The following SCN4B variants were observed in gnomAD, a reference collection of about 807,000 sequenced individuals.
SCN4B encodes sodium voltage-gated channel beta subunit 4.
SCN4B carries 20 observed loss-of-function variants against 19.6 expected under a neutral mutation model. That is an observed-to-expected ratio of 1.02 (90% CI 0.72 to 1.48). The LOEUF is 1.48. SCN4B is among the 40% of genes most tolerant of loss of function. The pLI is 0.00. For synonymous variants in SCN4B, 127 were observed against 122.8 expected (o/e 1.03, Z -0.22); for missense variants, 271 against 287.5 (o/e 0.94, Z 0.42).
At position 118,136,037 on chromosome 11, in the gene SCN4B, T is replaced by TGC. The variant is rs886047726; in HGVS notation, c.*989_*990insGC. 2.9e-4 allele frequency: 105 copies of TGC among 363,640 alleles called. No individual in the cohort carries two copies. Among genetic ancestry groups the TGC allele is most frequent in the African/African-American group, 2.5e-3 (96 of 38,408 alleles). 22.5% of individuals were successfully genotyped at this position (363,640 alleles called of 1,614,324 possible). On this transcript the variant is annotated 3_prime_UTR_variant, in exon 5 of 5. Coordinates refer to ENST00000324727, the MANE Select transcript of SCN4B (RefSeq NM_174934.4). ...GGGCAGGGCGTGATGGAGGGCACGG[T>TGC]GGGGGGGGGGGAGCGAGCCAATGGG...
At position 118,134,233 on chromosome 11, in the gene SCN4B, G is replaced by A. The variant is rs1014651431; in HGVS notation, c.*2794C>T. The A allele has an allele frequency of 8.8e-6, 4 of 454,116 alleles. No individual in the cohort carries two copies. The highest frequency in any genetic ancestry group is 1.8e-5 in the Non-Finnish European group (4 of 226,810). 28.1% of individuals were successfully genotyped at this position (454,116 alleles called of 1,614,324 possible). On this transcript the variant is annotated 3_prime_UTR_variant, in exon 5 of 5. Transcript: ENST00000324727. ...ACCTGGAATGCTGATTTCATATTTT[G>A]TAGTTGATGAGGAGCTCAGAACTTT...
Position 118,135,974 on chromosome 11 carries a change from AG to A in SCN4B, c.*1052del, listed in dbSNP as rs1460512774. 1 of 452,610 alleles carries A rather than the reference AG, an allele frequency of 2.2e-6. No homozygotes were observed. Among genetic ancestry groups the A allele is most frequent in the Non-Finnish European group, 4.4e-6 (1 of 226,508 alleles). The allele number at this position is 452,610 out of a possible 1,614,324, so 28.0% of individuals were successfully genotyped here. On this transcript the variant is annotated 3_prime_UTR_variant, in exon 5 of 5. Transcript: ENST00000324727. ...GGAAGAGAGTCCCTGAGGCGAAGGC[AG>A]GCCCTTGACCCAGGGCTGGGAAATG...
Position 118,152,724 on chromosome 11 carries a change from C to A in SCN4B, c.-51G>T, listed in dbSNP as rs1305366076. 6.9e-7 allele frequency: 1 copy of A among 1,446,470 alleles called. No individual in the cohort carries two copies. The highest frequency in any genetic ancestry group is 9.5e-7 in the Non-Finnish European group (1 of 1,055,504). 89.6% of individuals were successfully genotyped at this position (1,446,470 alleles called of 1,614,324 possible). Reference sequence around the variant, plus strand: ...GGGGTCGCGGGGATGGGATACTGGGCACAGCCGCGCTCTCCGCCCGAGGTC... The same window carrying A: ...GGGGTCGCGGGGATGGGATACTGGGAACAGCCGCGCTCTCCGCCCGAGGTC... On this transcript the variant is annotated 5_prime_UTR_variant, in exon 1 of 5. Coordinates refer to ENST00000324727, the MANE Select transcript of SCN4B (RefSeq NM_174934.4).
chr11:118,138,651 A>G (rs932393013), intron 4 of SCN4B, among the ~76,000 whole-genome samples: 1 of 152,204 alleles, frequency 6.6e-6, no homozygotes, highest in Non-Finnish European at 1.5e-5. Context: ...CTCCTAGGGC[A>G]TGTGACATTA....
Position 118,134,051 on chromosome 11 carries a change from C to G in SCN4B, c.*2976G>C. On this transcript the variant is annotated 3_prime_UTR_variant, in exon 5 of 5. Coordinates refer to ENST00000324727, the MANE Select transcript of SCN4B (RefSeq NM_174934.4). The stretch of plus-strand genomic sequence containing the variant: ...ACAAGCACACCCCACCTCCTGCCAT[C>G]TCACAAGCATGCTCTCAAGCCCTCG... The G allele has an allele frequency of 2.2e-6, 1 of 454,636 alleles. No homozygotes were observed. The highest frequency in any genetic ancestry group is 1.6e-5 in the South Asian group (1 of 64,476). 28.2% of individuals were successfully genotyped at this position (454,636 alleles called of 1,614,324 possible). A position where few individuals can be genotyped will look rare whatever the true frequency, so the allele number is the denominator to read the frequency against.
At chr11:118,142,125 T>C (rs1948106731) in intron 3 of SCN4B, among the ~76,000 whole-genome samples, 1 of 152,254 alleles carries the variant, frequency 6.6e-6, no homozygotes, top group African/African-American at 2.4e-5. Context: ...AATAGCTTCC[T>C]AACTGATCTC....
chr11:118,150,509 C>T (rs1324634293), intron 1 of SCN4B, among the ~76,000 whole-genome samples: 1 of 152,168 alleles, frequency 6.6e-6, no homozygotes, highest in African/African-American at 2.4e-5. Flanking sequence ...AGCACAATCA[C>T]TATTTACCTT....
chr11:118,135,262 C>T lies in SCN4B; in HGVS notation c.*1765G>A. On this transcript the variant is annotated 3_prime_UTR_variant, in exon 5 of 5. Transcript: ENST00000324727. ...AGCCCAGCAGGTTGGCTAAGGGACA[C>T]TGGCCACAGCCACGGGCACCCTGCA... 1 of 453,930 alleles carries T rather than the reference C, an allele frequency of 2.2e-6. No homozygotes were observed. Among genetic ancestry groups the T allele is most frequent in the East Asian group, 7.0e-5 (1 of 14,382 alleles). The allele number at this position is 453,930 out of a possible 1,614,324, so 28.1% of individuals were successfully genotyped here.
intron 3 of SCN4B, among the ~76,000 whole-genome samples, chr11:118,143,101 C>T (rs539047378): frequency 6.6e-6 from 1 of 152,306 alleles, no homozygotes; most frequent in South Asian, 2.1e-4. Context: ...CTGCACTTCC[C>T]TAGTCTTCCA....
chr11:118,137,162 A>G (rs1294597601), intron 4 of SCN4B, 42 bp from the exon 5 acceptor site: 1 of 1,429,630 alleles, frequency 7.0e-7, no homozygotes, highest in Non-Finnish European at 9.9e-7. Flanking sequence ...GGAGAGGAGC[A>G]AGAGTAGGGG....
Position 118,136,315 on chromosome 11 carries a change from A to T in SCN4B, c.*712T>A, listed in dbSNP as rs1565452749. The T allele has an allele frequency of 8.8e-6, 4 of 453,710 alleles. No homozygotes were observed. Among genetic ancestry groups the T allele is most frequent in the African/African-American group, 8.0e-5 (4 of 49,886 alleles). 28.1% of individuals were successfully genotyped at this position (453,710 alleles called of 1,614,324 possible). On this transcript the variant is annotated 3_prime_UTR_variant, in exon 5 of 5. Coordinates refer to ENST00000324727, the MANE Select transcript of SCN4B (RefSeq NM_174934.4). ...GGAAGGCTCGAGGGGCCCCTTCCTG[A>T]GCCCCTCAGTAACCCAGAGAGCAGA...
In SCN4B at chr11:118,141,467, AC is replaced by A. The variant is rs146941709; in HGVS notation, c.464-132del. ...GCATCCGGGGCACATCCACTCCCAG[AC>A]CCCCAGCCCTCCCCAGGCCTGCAGC... is the stretch of plus-strand genomic sequence containing the variant. On this transcript the variant is annotated intron_variant, in intron 3 of 4. Transcript: ENST00000324727. 1,786 of 1,056,232 alleles carry A rather than the reference AC, an allele frequency of 1.7e-3. 28 individuals carry two copies. The African/African-American group carries it at 0.025, about 15-fold the overall frequency. 65.4% of individuals were successfully genotyped at this position (1,056,232 alleles called of 1,614,324 possible).
At position 118,139,298 on chromosome 11, in the gene SCN4B, C is replaced by T. The variant is rs933930494; in HGVS notation, c.593+1909G>A. On this transcript the variant is annotated intron_variant, in intron 4 of 4. Coordinates refer to ENST00000324727, the MANE Select transcript of SCN4B (RefSeq NM_174934.4). ...TCCATCTGGAAGAATCTTCCCTTTACTCTCCCCAGGGCTTAAGTTATATTA... is the reference window on the plus strand; with the variant it reads ...TCCATCTGGAAGAATCTTCCCTTTATTCTCCCCAGGGCTTAAGTTATATTA... Among the ~76,000 whole-genome samples, 4 of 152,240 alleles carry T rather than the reference C, an allele frequency of 2.6e-5. No individual in the cohort carries two copies. In the East Asian group the frequency reaches 7.7e-4, roughly 29 times the overall value.
At chr11:118,137,584 T>A (rs557083147) in intron 4 of SCN4B, among the ~76,000 whole-genome samples, 2 of 152,248 alleles carry the variant, frequency 1.3e-5, no homozygotes, top group South Asian at 4.1e-4. Flanking sequence ...GGCAGGAGAA[T>A]CGCTTGAACC....
intron 1 of SCN4B, among the ~76,000 whole-genome samples, chr11:118,146,680 C>T (rs1948181130): frequency 6.6e-6 from 1 of 152,202 alleles, no homozygotes; most frequent in Admixed American, 6.5e-5. Context: ...AAATCACACC[C>T]CGTGGTCCAG....
intron 3 of SCN4B, chr11:118,141,668 G>A: frequency 2.6e-6 from 1 of 385,344 alleles, no homozygotes; most frequent in Non-Finnish European, 4.8e-6. Flanking sequence ...CAAATTGCCA[G>A]GCGAAAATTT....
At position 118,143,936 on chromosome 11, in the gene SCN4B, G is replaced by T; in HGVS notation, c.360C>A (p.Asp120Glu). Reference protein sequence around the residue: ...KMNNISIVLRDLEFSDTGKYT... With the variant: ...KMNNISIVLRELEFSDTGKYT... ...ATTTGCCCGTGTCGCTGAACTCCAG[G>T]TCCCTCAGCACAATGGAAATGTTGT... is the stretch of plus-strand genomic sequence containing the variant. The change falls in exon 3 of 5, where the codon GAC becomes GAA. Residue 120 changes from aspartate (D) to glutamate (E), a missense_variant. Physicochemically the swap from Asp to Glu is conservative, Grantham distance 45. Coordinates refer to ENST00000324727, the MANE Select transcript of SCN4B (RefSeq NM_174934.4). 1 of 1,614,106 alleles carries T rather than the reference G, an allele frequency of 6.2e-7. No individual in the cohort carries two copies. Among genetic ancestry groups the T allele is most frequent in the Non-Finnish European group, 8.5e-7 (1 of 1,179,992 alleles).
intron 3 of SCN4B, chr11:118,142,924 A>G (rs1484761649): frequency 6.6e-6 from 1 of 152,284 alleles, no homozygotes; most frequent in East Asian, 1.9e-4. Flanking sequence ...AGAAAAGCTG[A>G]TTGGATAACC....
intron 1 of SCN4B, among the ~76,000 whole-genome samples, chr11:118,146,281 AG>A (rs1948174764): frequency 6.6e-6 from 1 of 152,022 alleles, no homozygotes; most frequent in Non-Finnish European, 1.5e-5. Context: ...AGTCCTTGTA[AG>A]GGGGCCTGGT....
Sources: gnomAD v4.1 joint callset for allele counts (sites outside exome capture counted in the v4.1 genomes callset) on GRCh38, gnomAD v4.1.1 for gene constraint, MANE v1.5 for transcripts, NCBI Gene and HGNC (gene_info 2026-07-23, HGNC 2026-07-21) for gene names.